Variants in ATG4C observed in about 807,000 individuals in gnomAD.
ATG4C encodes the protein autophagy related 4C cysteine peptidase.
Under a neutral mutation model 57.6 loss-of-function variants are expected in ATG4C, and 56 were observed. The ratio of observed to expected loss-of-function variants is 0.97; its 90% CI spans 0.78 to 1.21. ATG4C has a LOEUF of 1.21. Ranked by LOEUF, ATG4C falls within the 50% of genes most tolerant of loss-of-function variation. The pLI, the probability that ATG4C is intolerant of heterozygous loss-of-function variation, is 0.00. For synonymous variants in ATG4C, 157 were observed against 174.1 expected, an observed-to-expected ratio of 0.90 and a Z score of 0.78; for missense variants, 595 against 529.8, an observed-to-expected ratio of 1.12 and a Z score of -1.21.
intron 4 of ATG4C, among the ~76,000 whole-genome samples, chr1:62,817,501 A>G (rs189495874): frequency 2.0e-4 from 31 of 152,160 alleles, no homozygotes; most frequent in Non-Finnish European, 4.6e-4. Flanking sequence ...GCGTGCCACC[A>G]TGGTTAGCTA....
chr1:62,803,681 A>G lies in ATG4C; in HGVS notation c.-68-38A>G, dbSNP rs1216188296. The G allele has an allele frequency of 9.2e-5, 59 of 639,256 alleles. No homozygotes were observed. The East Asian group carries it at 1.7e-3, about 19-fold the overall frequency. The allele number at this position is 639,256 out of a possible 1,614,324, so 39.6% of individuals were successfully genotyped here. On this transcript the variant is annotated intron_variant, in intron 1 of 10. Coordinates refer to ENST00000317868, the MANE Select transcript of ATG4C (RefSeq NM_032852.4). Reference sequence around the variant, plus strand: ...CAGGTATTGCTCCATGTAACCATATATGTAGTAATTACTGATTTTTTTCCT... The same window carrying G: ...CAGGTATTGCTCCATGTAACCATATGTGTAGTAATTACTGATTTTTTTCCT...
intron 3 of ATG4C, among the ~76,000 whole-genome samples, chr1:62,809,228 C>T (rs555143287): frequency 1.3e-5 from 2 of 151,992 alleles, no homozygotes; most frequent in African/African-American, 2.4e-5. Context: ...CTTGAGCCAC[C>T]GTGCCAGCCA....
chr1:62,803,864 T>G lies in ATG4C; in HGVS notation c.76+2T>G, dbSNP rs764027509. ...CTGCTTGGAACAACATGAAATATAG[T>G]AAGTATCATGTTTTAAAAATTGTAT... is the stretch of plus-strand genomic sequence containing the variant. On this transcript the variant is annotated splice_donor_variant, in intron 2 of 10. Coordinates refer to ENST00000317868, the MANE Select transcript of ATG4C (RefSeq NM_032852.4). LOFTEE classifies it high-confidence loss of function. The G allele has an allele frequency of 1.3e-6, 2 of 1,543,406 alleles. No homozygotes were observed. The highest frequency in any genetic ancestry group is 2.3e-5 in the South Asian group (2 of 86,248).
chr1:62,855,077 G>T (rs1666643019), intron 10 of ATG4C, among the ~76,000 whole-genome samples: 1 of 151,850 alleles, frequency 6.6e-6, no homozygotes, highest in Admixed American at 6.6e-5. Context: ...GGTGAAGAAG[G>T]GTATTGGTTG....
chr1:62,789,919 C>CTT (rs113736770), intron 1 of ATG4C, among the ~76,000 whole-genome samples: 24 of 145,862 alleles, frequency 1.6e-4, no homozygotes, highest in African/African-American at 5.2e-4. Context: ...CACATATACA[C>CTT]TTTTTTTTTT....
intron 1 of ATG4C, among the ~76,000 whole-genome samples, chr1:62,796,207 G>GT (rs60552573): frequency 0.011 from 977 of 91,092 alleles, 9 homozygotes; most frequent in East Asian, 0.019. Flanking sequence ...ATTTGTGTGG[G>GT]TTTTTTTTTT....
chr1:62,814,202 C>G (rs1004239593), intron 3 of ATG4C, among the ~76,000 whole-genome samples: 11 of 152,284 alleles, frequency 7.2e-5, no homozygotes, highest in African/African-American at 2.6e-4. Context: ...ACCCAAATGC[C>G]CATCAGTGAT....
At chr1:62,847,811 G>T (rs569189698) in intron 10 of ATG4C, among the ~76,000 whole-genome samples, 1 of 152,284 alleles carries the variant, frequency 6.6e-6, no homozygotes, top group South Asian at 2.1e-4. Context: ...TGTGGACAGG[G>T]AGGCAAATGG....
In ATG4C at chr1:62,784,284, G is replaced by C. The variant is rs965228621; in HGVS notation, c.-69+11G>C. On this transcript the variant is annotated intron_variant, in intron 1 of 10. Transcript: ENST00000317868. ...AGTCCTTCTCTTTCGGTGAGGGATC[G>C]GCTTGAGGCTAAAGGAGTCAAGAAG... 7.9e-5 allele frequency: 12 copies of C among 152,532 alleles called. No individual in the cohort carries two copies. Among genetic ancestry groups the C allele is most frequent in the African/African-American group, 2.9e-4 (12 of 41,554 alleles). The allele number at this position is 152,532 out of a possible 1,614,324, so 9.4% of individuals were successfully genotyped here.
At chr1:62,803,347 C>T (rs1664745305) in intron 1 of ATG4C, among the ~76,000 whole-genome samples, 1 of 152,166 alleles carries the variant, frequency 6.6e-6, no homozygotes, top group African/African-American at 2.4e-5. Context: ...TCTCTAATGA[C>T]AGATAAAACA....
intron 10 of ATG4C, among the ~76,000 whole-genome samples, chr1:62,846,965 T>G (rs1436293928): frequency 6.6e-6 from 1 of 152,116 alleles, no homozygotes; most frequent in Non-Finnish European, 1.5e-5. Flanking sequence ...TCACCTGAGG[T>G]CAGGAGTTCA....
Position 62,818,994 on chromosome 1 carries a change from A to T in ATG4C, c.395-11A>T, listed in dbSNP as rs765270876. On this transcript the variant is annotated splice_polypyrimidine_tract_variant and intron_variant, in intron 4 of 10. Transcript: ENST00000317868. Reference sequence around the variant, plus strand: ...AAAAGATCTGAACACTTTGCTTTGGAACTACTATAGCTTGGACCTGGCCTG... The same window carrying T: ...AAAAGATCTGAACACTTTGCTTTGGTACTACTATAGCTTGGACCTGGCCTG... The T allele has an allele frequency of 6.6e-7, 1 of 1,511,732 alleles. No individual in the cohort carries two copies. The highest frequency in any genetic ancestry group is 8.8e-7 in the Non-Finnish European group (1 of 1,135,458). The allele number at this position is 1,511,732 out of a possible 1,614,324, so 93.6% of individuals were successfully genotyped here.
chr1:62,822,175 A>C (rs139525404), intron 6 of ATG4C, among the ~76,000 whole-genome samples: 1 of 152,182 alleles, frequency 6.6e-6, no homozygotes, highest in Admixed American at 6.6e-5. Flanking sequence ...AATATACTTC[A>C]ATCATGTTTT....
intron 10 of ATG4C, among the ~76,000 whole-genome samples, chr1:62,847,685 A>G (rs1189063197): frequency 6.6e-6 from 1 of 152,170 alleles, no homozygotes; most frequent in Non-Finnish European, 1.5e-5. Context: ...CTTGGAAGCC[A>G]TGAATTAGGA....
intron 10 of ATG4C, among the ~76,000 whole-genome samples, chr1:62,854,692 G>A (rs1249994537): frequency 6.6e-6 from 1 of 152,176 alleles, no homozygotes; most frequent in Non-Finnish European, 1.5e-5. Flanking sequence ...GAAGCTCTGT[G>A]TGTTTGAGCT....
At chr1:62,846,805 C>T (rs1557990120) in intron 10 of ATG4C, among the ~76,000 whole-genome samples, 1 of 152,170 alleles carries the variant, frequency 6.6e-6, no homozygotes. Context: ...TCAGTGATCT[C>T]TTATGTAGTT....
intron 1 of ATG4C, among the ~76,000 whole-genome samples, chr1:62,803,426 T>C (rs1423058486): frequency 1.3e-5 from 2 of 152,202 alleles, no homozygotes; most frequent in Admixed American, 6.5e-5. Context: ...ATTTATTGTA[T>C]TCAATTGTGA....
At chr1:62,796,207 G>GTTTTTTT (rs60552573) in intron 1 of ATG4C, among the ~76,000 whole-genome samples, 2 of 91,200 alleles carry the variant, frequency 2.2e-5, no homozygotes, top group African/African-American at 8.6e-5. Flanking sequence ...ATTTGTGTGG[G>GTTTTTTT]TTTTTTTTTT....
At chr1:62,818,496 T>G (rs1665358527) in intron 4 of ATG4C, among the ~76,000 whole-genome samples, 1 of 152,144 alleles carries the variant, frequency 6.6e-6, no homozygotes, top group Non-Finnish European at 1.5e-5. Flanking sequence ...ATTGTCCATT[T>G]TTACCCAAGG....
Sources: allele counts gnomAD v4.1 joint callset (sites outside exome capture counted in the v4.1 genomes callset), GRCh38; gene constraint gnomAD v4.1.1; transcripts MANE v1.5; gene names NCBI Gene and HGNC (gene_info 2026-07-23, HGNC 2026-07-21).